Variants in SMARCA1 observed in about 807,000 individuals in gnomAD.
The protein encoded by SMARCA1 is SWI/SNF-related matrix-associated actin-dependent regulator of chromatin subfamily A member 1.
A neutral mutation model predicts 93.6 loss-of-function variants in SMARCA1; 17 were observed. The observed-to-expected ratio is 0.18, with a 90% CI of 0.12 to 0.27. The LOEUF (loss-of-function observed/expected upper bound fraction) is 0.27. Ranked by LOEUF, SMARCA1 falls within the 10% of genes least tolerant of loss-of-function variation. The probability of loss-of-function intolerance (pLI) is 1.00; values close to 1 mark genes in which losing one functional copy is unlikely to be tolerated. For synonymous variants in SMARCA1, 271 were observed against 271.4 expected (o/e 1.00, Z 0.01); for missense variants, 630 against 819.0 (o/e 0.77, Z 2.82).
chrX:129,488,905 C>A (rs747218395), intron 16 of SMARCA1, 32 bp downstream of exon 16: 40 of 1,000,106 alleles, frequency 4.0e-5, no homozygotes, highest in Non-Finnish European at 5.3e-5. Context: ...TAAAACAATC[C>A]AGCATGAAAA....
Position 129,465,500 on chromosome X carries a change from G to A in SMARCA1, c.3030+20C>T, listed in dbSNP as rs1932888089. 6 of 1,095,279 alleles carry A rather than the reference G, an allele frequency of 5.5e-6. No individual in the cohort carries two copies. In the East Asian group the frequency reaches 1.2e-4, roughly 22 times the overall value. The allele number at this position is 1,095,279 out of a possible 1,213,427, so 90.3% of individuals were successfully genotyped here. On this transcript the variant is annotated intron_variant, in intron 23 of 24. Coordinates refer to ENST00000371121, the MANE Select transcript of SMARCA1 (RefSeq NM_001282874.2). Reference sequence around the variant, plus strand: ...TCAAAATAAAAAGTTGGAGGAAATCGGTAAGAAAGGAATACATACCATGGC... The same window carrying A: ...TCAAAATAAAAAGTTGGAGGAAATCAGTAAGAAAGGAATACATACCATGGC...
chrX:129,452,079 A>G (rs894426809), intron 23 of SMARCA1, among the ~76,000 whole-genome samples: 7 of 112,593 alleles, frequency 6.2e-5, no homozygotes, highest in Non-Finnish European at 9.4e-5. Flanking sequence ...AGCTAAAACT[A>G]GAAGTTAAAA....
rs1223526838 is a variant in SMARCA1, at chrX:129,477,840, A to G, written c.2442+2861T>C. Among the ~76,000 whole-genome samples, 7 of 110,147 alleles carry G rather than the reference A, an allele frequency of 6.4e-5. No homozygotes were observed. The South Asian group carries it at 2.0e-3, about 31-fold the overall frequency. Reference sequence around the variant, plus strand: ...CATCTCAGTGGGTTTCCTTTACTCTAAAGCTAAAGTTCAACCTCATTAATA... The same window carrying G: ...CATCTCAGTGGGTTTCCTTTACTCTGAAGCTAAAGTTCAACCTCATTAATA... On this transcript the variant is annotated intron_variant, in intron 19 of 24. Coordinates refer to ENST00000371121, the MANE Select transcript of SMARCA1 (RefSeq NM_001282874.2).
chrX:129,448,784 C>A (rs909037380), intron 23 of SMARCA1, among the ~76,000 whole-genome samples: 23 of 110,463 alleles, frequency 2.1e-4, no homozygotes, highest in Non-Finnish European at 4.2e-4. Flanking sequence ...GGTTACATAC[C>A]ATATTATTCC....
intron 6 of SMARCA1, among the ~76,000 whole-genome samples, chrX:129,509,834 C>T (rs7057288): frequency 0.023 from 2,532 of 111,864 alleles, 83 homozygotes; most frequent in African/African-American, 0.077. Flanking sequence ...GGCCACAAAG[C>T]ACATTGGTAT....
chrX:129,513,881 G>A (rs1935099232), intron 5 of SMARCA1, among the ~76,000 whole-genome samples: 2 of 112,176 alleles, frequency 1.8e-5, no homozygotes, highest in Non-Finnish European at 1.9e-5. Context: ...TATACTAGAC[G>A]CCATAGGGCA....
At chrX:129,497,786 T>A (rs1261570763) in intron 11 of SMARCA1, 59 bp downstream of exon 11, 6 of 739,785 alleles carry the variant, frequency 8.1e-6, no homozygotes, top group Non-Finnish European at 1.2e-5. Flanking sequence ...AAAATTTTAT[T>A]TATATACAAG....
Position 129,468,896 on chromosome X carries a change from T to A in SMARCA1, c.2575A>T (p.Asn859Tyr). 8.4e-7 allele frequency: 1 copy of A among 1,187,861 alleles called. No homozygotes were observed. The highest frequency in any genetic ancestry group is 1.9e-5 in the South Asian group (1 of 53,868). Residue 859 changes from asparagine to tyrosine, a missense_variant, in exon 21 of 25, where the codon AAC becomes TAC. This residue lies in a region of SMARCA1 where 93 missense variants were observed against 160.8 expected (regional missense o/e 0.58). Coordinates refer to ENST00000371121, the MANE Select transcript of SMARCA1 (RefSeq NM_001282874.2). ...KEKLLTQGFTNWTKRDFNQFI... is the reference protein window; with the variant it reads ...KEKLLTQGFTYWTKRDFNQFI... ...TGGTTAAAATCTCGTTTAGTCCAGT[T>A]TGTGAAACCCTGTGAACAAAAAGTT... is the stretch of plus-strand genomic sequence containing the variant.
At chrX:129,498,503 T>C (rs768327041) in intron 10 of SMARCA1, among the ~76,000 whole-genome samples, 8 of 111,640 alleles carry the variant, frequency 7.2e-5, no homozygotes, top group Non-Finnish European at 1.3e-4. Flanking sequence ...CTTACATATA[T>C]ATATACACCC....
chrX:129,492,799 A>G (rs1457552163), intron 13 of SMARCA1, among the ~76,000 whole-genome samples: 1 of 111,982 alleles, frequency 8.9e-6, no homozygotes, highest in African/African-American at 3.2e-5. Context: ...AACTCACAGA[A>G]CAAATACAAA....
chrX:129,521,477 T>C (rs1444180965), intron 1 of SMARCA1, among the ~76,000 whole-genome samples: 1 of 112,368 alleles, frequency 8.9e-6, no homozygotes, highest in East Asian at 2.8e-4. Context: ...ACAAATGAAG[T>C]ACTGGTAGGG....
At chrX:129,480,032 A>T (rs968879681) in intron 19 of SMARCA1, among the ~76,000 whole-genome samples, 1 of 111,981 alleles carries the variant, frequency 8.9e-6, no homozygotes, top group African/African-American at 3.2e-5. Context: ...AGTGATTATT[A>T]TACCTTTGGT....
chrX:129,514,218 G>A (rs1223679559), intron 5 of SMARCA1, among the ~76,000 whole-genome samples: 2 of 111,800 alleles, frequency 1.8e-5, no homozygotes, highest in African/African-American at 6.5e-5. Context: ...TCGGGAGGCT[G>A]AGGCAGGAGA....
intron 19 of SMARCA1, among the ~76,000 whole-genome samples, chrX:129,480,132 A>G (rs1380864975): frequency 8.9e-6 from 1 of 112,596 alleles, no homozygotes; most frequent in African/African-American, 3.2e-5. Context: ...TTAGTGTGAC[A>G]AATATTAAAT....
intron 23 of SMARCA1, among the ~76,000 whole-genome samples, chrX:129,462,565 A>G (rs1173920501): frequency 3.6e-5 from 4 of 110,969 alleles, no homozygotes; most frequent in East Asian, 2.8e-4. Flanking sequence ...AAATTATTAT[A>G]AGCAAAAATT....
At chrX:129,499,940 A>C (rs1308672282) in intron 9 of SMARCA1, 99 bp from the exon 10 acceptor site, 11 of 386,659 alleles carry the variant, frequency 2.8e-5, no homozygotes, top group Non-Finnish European at 4.9e-5. Flanking sequence ...TTCCCACTGC[A>C]TAGTCTGACA....
At chrX:129,464,924 A>G (rs1932871942) in intron 23 of SMARCA1, among the ~76,000 whole-genome samples, 1 of 112,225 alleles carries the variant, frequency 8.9e-6, no homozygotes, top group African/African-American at 3.2e-5. Flanking sequence ...AATGTGGGAC[A>G]TTCTACAAGA....
intron 17 of SMARCA1, among the ~76,000 whole-genome samples, chrX:129,486,125 A>C (rs1933874793): frequency 9.0e-6 from 1 of 111,038 alleles, no homozygotes; most frequent in African/African-American, 3.3e-5. Flanking sequence ...TCAACTAAAA[A>C]TAGAAGGAAA....
Position 129,516,249 on chromosome X carries a change from G to C in SMARCA1, c.428+82C>G. 3 of 878,283 alleles carry C rather than the reference G, an allele frequency of 3.4e-6. No homozygotes were observed. In the East Asian group the frequency reaches 9.3e-5, roughly 27 times the overall value. 72.4% of individuals were successfully genotyped at this position (878,283 alleles called of 1,213,427 possible). On this transcript the variant is annotated intron_variant, in intron 3 of 24. Coordinates refer to ENST00000371121, the MANE Select transcript of SMARCA1 (RefSeq NM_001282874.2). ...ATACTGAACAATGAAGAGCGAAGGGGTGCATGAAGGGATCAAGGGAGGACA... is the reference window on the plus strand; with the variant it reads ...ATACTGAACAATGAAGAGCGAAGGGCTGCATGAAGGGATCAAGGGAGGACA...
Sources: allele counts gnomAD v4.1 joint callset (sites outside exome capture counted in the v4.1 genomes callset), GRCh38; gene constraint gnomAD v4.1.1; regional missense constraint gnomAD v4.1.1; transcripts MANE v1.5; gene names NCBI Gene and HGNC (gene_info 2026-07-23, HGNC 2026-07-21).